The following IKZF2 variants were observed in gnomAD, a reference collection of about 807,000 sequenced individuals.
IKZF2 encodes IKAROS family zinc finger 2, also known as zinc finger protein Helios.
Under a neutral mutation model 49.2 loss-of-function variants are expected in IKZF2, and 15 were observed. The observed-to-expected ratio is 0.30, with a 90% CI of 0.20 to 0.47. The LOEUF (loss-of-function observed/expected upper bound fraction) is 0.47. Among genes scored for constraint, IKZF2 ranks in the 20% least tolerant of loss-of-function variants. The pLI is 1.00. For synonymous variants in IKZF2, 227 were observed against 221.4 expected, an observed-to-expected ratio of 1.03 and a Z score of -0.23; for missense variants, 567 against 664.6, an observed-to-expected ratio of 0.85 and a Z score of 1.61.
chr2:213,008,178 C>T, intron 8 of IKZF2, 94 bp from the exon 9 acceptor site: 3 of 1,346,548 alleles, frequency 2.2e-6, no homozygotes, highest in South Asian at 1.6e-5. Context: ...ACGAAGTTGA[C>T]TGATTGCCTC....
At chr2:213,043,483 C>T (rs1288139505) in intron 6 of IKZF2, among the ~76,000 whole-genome samples, 1 of 152,086 alleles carries the variant, frequency 6.6e-6, no homozygotes, top group Non-Finnish European at 1.5e-5. Flanking sequence ...TACTTTCTAC[C>T]AATAATAATA....
At chr2:213,112,446 A>G (rs1459760802) in intron 4 of IKZF2, among the ~76,000 whole-genome samples, 1 of 150,942 alleles carries the variant, frequency 6.6e-6, no homozygotes, top group Non-Finnish European at 1.5e-5. Flanking sequence ...TACTACACAT[A>G]ATCATAGTTC....
At chr2:213,015,113 C>T (rs905889406) in intron 7 of IKZF2, 1 of 151,948 alleles carries the variant, frequency 6.6e-6, no homozygotes, top group Non-Finnish European at 1.5e-5. Context: ...ATTCAGTGCA[C>T]AATTCAGTTG....
rs1268425709 is a variant in IKZF2 at position 213,144,148 on chromosome 2, C to T, written c.139+3560G>A. On this transcript the variant is annotated intron_variant, in intron 4 of 8. Transcript: ENST00000434687. ...ACTCTGAAAAGAATAAACTAGATTCCCTGACCTGATTATTGGTCAGAGCCT... is the reference window on the plus strand; with the variant it reads ...ACTCTGAAAAGAATAAACTAGATTCTCTGACCTGATTATTGGTCAGAGCCT... Among the ~76,000 whole-genome samples, 5 of 151,898 alleles carry T rather than the reference C, an allele frequency of 3.3e-5. No individual in the cohort carries two copies. The East Asian group carries it at 9.7e-4, about 29-fold the overall frequency.
intron 4 of IKZF2, among the ~76,000 whole-genome samples, chr2:213,081,887 C>A (rs1439083770): frequency 6.6e-6 from 1 of 152,084 alleles, no homozygotes; most frequent in African/African-American, 2.4e-5. Flanking sequence ...GGGGTAGGGT[C>A]CAGAATCTGA....
At chr2:213,085,445 G>A (rs569703873) in intron 4 of IKZF2, among the ~76,000 whole-genome samples, 1 of 152,028 alleles carries the variant, frequency 6.6e-6, no homozygotes, top group Non-Finnish European at 1.5e-5. Context: ...TTTAAACATG[G>A]CTTTGTTTAA....
chr2:213,146,824 T>C (rs993171846), intron 4 of IKZF2, among the ~76,000 whole-genome samples: 8 of 150,888 alleles, frequency 5.3e-5, no homozygotes, highest in African/African-American at 2.0e-4. Context: ...ACTTGTAAAT[T>C]TAATTATATT....
intron 4 of IKZF2, among the ~76,000 whole-genome samples, chr2:213,070,777 C>G (rs188114385): frequency 2.0e-5 from 3 of 152,142 alleles, no homozygotes. Flanking sequence ...AAGGAAAAGA[C>G]AGGAGAGTCA....
chr2:213,055,941 C>T (rs1293917562), intron 5 of IKZF2, among the ~76,000 whole-genome samples: 3 of 151,984 alleles, frequency 2.0e-5, no homozygotes, highest in Admixed American at 6.6e-5. Context: ...TTTTACTGTA[C>T]ACTACACTAC....
intron 4 of IKZF2, among the ~76,000 whole-genome samples, chr2:213,142,114 T>C (rs2060896352): frequency 6.6e-6 from 1 of 151,992 alleles, no homozygotes; most frequent in South Asian, 2.1e-4. Flanking sequence ...AAGGGAATTT[T>C]TTTCTTTTGT....
intron 6 of IKZF2, among the ~76,000 whole-genome samples, chr2:213,044,184 C>G (rs1347188564): frequency 6.6e-6 from 1 of 152,150 alleles, no homozygotes. Flanking sequence ...GTGCTCAAGA[C>G]CCTTTCCTAT....
At chr2:213,040,994 T>A (rs1221706347) in intron 6 of IKZF2, among the ~76,000 whole-genome samples, 1 of 152,072 alleles carries the variant, frequency 6.6e-6, no homozygotes, top group Non-Finnish European at 1.5e-5. Context: ...GGTGCACGCC[T>A]GTAATTCCAG....
At chr2:213,068,084 CATATT>C (rs1457323835) in intron 4 of IKZF2, among the ~76,000 whole-genome samples, 4 of 151,988 alleles carry the variant, frequency 2.6e-5, no homozygotes, top group Admixed American at 1.3e-4. Context: ...GTATGTGAAA[CATATT>C]AAAGTGATGA....
At chr2:213,047,845 C>T (rs988777370) in intron 6 of IKZF2, among the ~76,000 whole-genome samples, 8 of 151,636 alleles carry the variant, frequency 5.3e-5, no homozygotes, top group Admixed American at 2.6e-4. Context: ...ACAGGACCAC[C>T]GAAGACTCAG....
In IKZF2 at chr2:213,001,360, C is replaced by CACTA; in HGVS notation, c.*5999_*6000insTAGT. 1 of 152,002 alleles carries CACTA rather than the reference C, an allele frequency of 6.6e-6. No homozygotes were observed. Among genetic ancestry groups the CACTA allele is most frequent in the South Asian group, 2.1e-4 (1 of 4,818 alleles). The allele number at this position is 152,002 out of a possible 1,614,324, so 9.4% of individuals were successfully genotyped here. A position where few individuals can be genotyped will look rare whatever the true frequency, so the allele number is the denominator to read the frequency against. ...TTTCTAAACACTTGCAAATAACTGTCTAGTCTTTCATGATATACATTTTTT... is the reference window on the plus strand; with the variant it reads ...TTTCTAAACACTTGCAAATAACTGTCACTATAGTCTTTCATGATATACATTTTTT... On this transcript the variant is annotated 3_prime_UTR_variant, in exon 9 of 9. Transcript: ENST00000434687.
In IKZF2 at chr2:213,065,383, A is replaced by G. The variant is rs1574694647; in HGVS notation, c.140-8284T>C. On this transcript the variant is annotated intron_variant, in intron 4 of 8. Transcript: ENST00000434687. ...TACTGCCTTTATTCATAGTTGTAAA[A>G]TCATTCTATCCTTACACATACAAAG... Among the ~76,000 whole-genome samples the G allele has an allele frequency of 2.0e-5, 3 of 152,164 alleles. 1 individual carries two copies. The highest frequency in any genetic ancestry group is 4.1e-4 in the South Asian group (2 of 4,824).
intron 4 of IKZF2, among the ~76,000 whole-genome samples, chr2:213,129,203 C>G (rs1454918436): frequency 6.6e-6 from 1 of 151,410 alleles, no homozygotes; most frequent in Admixed American, 6.6e-5. Context: ...AAATGTTCCT[C>G]AACTGTGTGT....
At chr2:213,046,486 A>C (rs1447472312) in intron 6 of IKZF2, among the ~76,000 whole-genome samples, 3 of 152,158 alleles carry the variant, frequency 2.0e-5, no homozygotes, top group Non-Finnish European at 4.4e-5. Context: ...ACCAGCTATG[A>C]CTATGGTGTT....
chr2:213,056,564 AC>A (rs1701172217), intron 5 of IKZF2: 1 of 555,826 alleles, frequency 1.8e-6, no homozygotes, highest in African/African-American at 1.9e-5. Context: ...ATTCTCCTAT[AC>A]CTTTTGAACC....
Sources: gnomAD v4.1 joint callset for allele counts (sites outside exome capture counted in the v4.1 genomes callset) on GRCh38, gnomAD v4.1.1 for gene constraint, MANE v1.5 for transcripts, NCBI Gene and HGNC (gene_info 2026-07-23, HGNC 2026-07-21) for gene names.